Variants in SCFD1 observed in about 807,000 individuals in gnomAD.
SCFD1 encodes sec1 family domain-containing protein 1.
SCFD1 carries 37 observed loss-of-function variants against 103.2 expected under a neutral mutation model. That is an observed-to-expected ratio of 0.36 (90% CI 0.28 to 0.47). SCFD1 has a LOEUF of 0.47. Among genes scored for constraint, SCFD1 ranks in the 20% least tolerant of loss-of-function variants. The pLI is 1.00. For missense variants in SCFD1, 639 were observed against 761.2 expected, an observed-to-expected ratio of 0.84 and a Z score of 1.89; for synonymous variants, 264 against 245.0, an observed-to-expected ratio of 1.08 and a Z score of -0.73.
chr14:30,671,217 CT>C (rs1353647205), intron 11 of SCFD1, among the ~76,000 whole-genome samples: 1 of 151,704 alleles, frequency 6.6e-6, no homozygotes, highest in Admixed American at 6.6e-5. Context: ...TTACTTACAA[CT>C]TTTTTTTAAG....
intron 18 of SCFD1, among the ~76,000 whole-genome samples, chr14:30,706,244 C>T (rs1891459866): frequency 6.6e-6 from 1 of 152,070 alleles, no homozygotes; most frequent in Non-Finnish European, 1.5e-5. Context: ...TGAGCTGAAA[C>T]TTAGATAACA....
intron 1 of SCFD1, among the ~76,000 whole-genome samples, chr14:30,626,100 C>T (rs929966131): frequency 7.2e-5 from 11 of 151,868 alleles, no homozygotes; most frequent in Admixed American, 7.2e-4. Flanking sequence ...CCTGAAACCC[C>T]CTCCGTGCTT....
chr14:30,691,869 G>A (rs1474600760), intron 14 of SCFD1, among the ~76,000 whole-genome samples: 1 of 152,062 alleles, frequency 6.6e-6, no homozygotes, highest in African/African-American at 2.4e-5. Flanking sequence ...AAGTCAGTGA[G>A]CCATGTTTTT....
At chr14:30,627,363 A>C (rs1594544751) in intron 1 of SCFD1, among the ~76,000 whole-genome samples, 1 of 152,246 alleles carries the variant, frequency 6.6e-6, no homozygotes, top group African/African-American at 2.4e-5. Flanking sequence ...ATTGTTTGTA[A>C]AATATACTCT....
chr14:30,632,414 G>A (rs1446425096), intron 3 of SCFD1, among the ~76,000 whole-genome samples: 2 of 151,938 alleles, frequency 1.3e-5, no homozygotes, highest in Non-Finnish European at 2.9e-5. Flanking sequence ...GTCATAACTG[G>A]CAGCATTTTT....
At chr14:30,631,374 A>G (rs1594557601) in intron 3 of SCFD1, among the ~76,000 whole-genome samples, 1 of 152,212 alleles carries the variant, frequency 6.6e-6, no homozygotes, top group East Asian at 1.9e-4. Flanking sequence ...AAAATTAATT[A>G]ATTAAAATAA....
At chr14:30,666,841 G>A (rs1888021878) in intron 10 of SCFD1, among the ~76,000 whole-genome samples, 1 of 152,062 alleles carries the variant, frequency 6.6e-6, no homozygotes. Context: ...ACCCTCCCAA[G>A]ACTAAACTGG....
At chr14:30,674,174 C>T (rs942283694) in intron 13 of SCFD1, among the ~76,000 whole-genome samples, 177 bp downstream of exon 13, 3 of 152,004 alleles carry the variant, frequency 2.0e-5, no homozygotes, top group African/African-American at 4.8e-5. Context: ...TTTTAGTTCC[C>T]TCTTAGATAT....
chr14:30,683,322 G>T (rs1889646209), intron 14 of SCFD1: 1 of 659,406 alleles, frequency 1.5e-6, no homozygotes, highest in Non-Finnish European at 2.6e-6. Flanking sequence ...TCACCTGGGT[G>T]CATTGTAAGG....
At chr14:30,680,808 A>G (rs775857672) in intron 14 of SCFD1, among the ~76,000 whole-genome samples, 4 of 152,280 alleles carry the variant, frequency 2.6e-5, no homozygotes, top group African/African-American at 4.8e-5. Flanking sequence ...GGGAACCTCT[A>G]TAGTCTGTGA....
At chr14:30,631,224 A>G (rs756101289) in intron 3 of SCFD1, among the ~76,000 whole-genome samples, 357 of 152,150 alleles carry the variant, frequency 2.3e-3, no homozygotes, top group Admixed American at 3.9e-3. Context: ...GCATGGTGGC[A>G]GGCACCTGTA....
At chr14:30,716,725 T>C (rs1002734568) in intron 20 of SCFD1, among the ~76,000 whole-genome samples, 1 of 152,054 alleles carries the variant, frequency 6.6e-6, no homozygotes, top group African/African-American at 2.4e-5. Context: ...TAAGAAAGAG[T>C]GAGAACAGTG....
chr14:30,672,233 A>C (rs1156621748), intron 11 of SCFD1, among the ~76,000 whole-genome samples: 2 of 152,130 alleles, frequency 1.3e-5, no homozygotes, highest in Non-Finnish European at 2.9e-5. Context: ...CATTATAATT[A>C]GATGGAACAA....
Position 30,722,464 on chromosome 14 carries a change from T to G in SCFD1, c.1771-30T>G, listed in dbSNP as rs373083941. 562 of 1,480,710 alleles carry G rather than the reference T, an allele frequency of 3.8e-4. 4 individuals carry two copies. In the African/African-American group the frequency reaches 6.7e-3, roughly 18 times the overall value. The allele number at this position is 1,480,710 out of a possible 1,614,324, so 91.7% of individuals were successfully genotyped here. A position where few individuals can be genotyped will look rare whatever the true frequency, so the allele number is the denominator to read the frequency against. ...AGAGGTTTCAGACTAAAAACTGTGT[T>G]TTTTTTTTTTTAATCTGTTTGCATT... On this transcript the variant is annotated intron_variant, in intron 22 of 24. Coordinates refer to ENST00000458591, the MANE Select transcript of SCFD1 (RefSeq NM_016106.4).
intron 10 of SCFD1, among the ~76,000 whole-genome samples, chr14:30,667,758 A>T (rs528167788): frequency 1.3e-5 from 2 of 152,340 alleles, no homozygotes; most frequent in Admixed American, 1.3e-4. Flanking sequence ...CTTATACGCA[A>T]ATAACAGACA....
chr14:30,659,346 T>G (rs1304348787), intron 10 of SCFD1, among the ~76,000 whole-genome samples: 1 of 152,170 alleles, frequency 6.6e-6, no homozygotes, highest in African/African-American at 2.4e-5. Flanking sequence ...TTAGATGTTT[T>G]CTTTTCATAT....
In SCFD1 at chr14:30,643,421, T is replaced by G. The variant is rs1245096606; in HGVS notation, c.613+16T>G. 10 of 1,498,432 alleles carry G rather than the reference T, an allele frequency of 6.7e-6. No individual in the cohort carries two copies. Among genetic ancestry groups the G allele is most frequent in the Non-Finnish European group, 8.4e-6 (9 of 1,074,858 alleles). 92.8% of individuals were successfully genotyped at this position (1,498,432 alleles called of 1,614,324 possible). A position where few individuals can be genotyped will look rare whatever the true frequency, so the allele number is the denominator to read the frequency against. ...GTTACTCTGGGTAAGTTTTCCAGTC[T>G]TTCTGGTTATTCTTCAAAGTAAATT... On this transcript the variant is annotated intron_variant, in intron 7 of 24. Transcript: ENST00000458591.
intron 10 of SCFD1, among the ~76,000 whole-genome samples, chr14:30,665,968 A>C (rs1887923616): frequency 6.6e-6 from 1 of 152,214 alleles, no homozygotes; most frequent in African/African-American, 2.4e-5. Context: ...TAATAATGGG[A>C]GACTTTAACA....
At chr14:30,730,844 C>T (rs895245747) in intron 23 of SCFD1, among the ~76,000 whole-genome samples, 38 of 152,098 alleles carry the variant, frequency 2.5e-4, no homozygotes, top group African/African-American at 6.5e-4. Context: ...TGCAGAAGCT[C>T]CTTAGTTTAG....
Sources: gnomAD v4.1 joint callset for allele counts (sites outside exome capture counted in the v4.1 genomes callset) on GRCh38, gnomAD v4.1.1 for gene constraint, MANE v1.5 for transcripts, NCBI Gene and HGNC (gene_info 2026-07-23, HGNC 2026-07-21) for gene names.